The following RNF185 variants were observed in gnomAD, a reference collection of about 807,000 sequenced individuals.
RNF185 encodes E3 ubiquitin-protein ligase RNF185.
Under a neutral mutation model 24.9 loss-of-function variants are expected in RNF185, and 13 were observed. That is an observed-to-expected ratio of 0.52 (90% CI 0.34 to 0.83). The LOEUF (loss-of-function observed/expected upper bound fraction) is 0.83, where lower values mean the gene tolerates loss of function less well. Among genes scored for constraint, RNF185 ranks in the 40% least tolerant of loss-of-function variants. The pLI is 0.01. For missense variants in RNF185, 184 were observed against 244.7 expected (o/e 0.75, Z 1.65); for synonymous variants, 79 against 90.3 (o/e 0.88, Z 0.71).
At chr22:31,162,161 A>G (rs1923618651) in intron 1 of RNF185, among the ~76,000 whole-genome samples, 1 of 152,214 alleles carries the variant, frequency 6.6e-6, no homozygotes, top group South Asian at 2.1e-4. Flanking sequence ...CAGAGGCTCC[A>G]TATTATGACC....
At chr22:31,161,471 T>C (rs577398581) in intron 1 of RNF185, among the ~76,000 whole-genome samples, 19 of 152,390 alleles carry the variant, frequency 1.2e-4, no homozygotes, top group Admixed American at 3.3e-4. Context: ...CTGGTTGTCC[T>C]GTGCACCATC....
Position 31,205,163 on chromosome 22 carries a change from T to C in RNF185, c.*577T>C, listed in dbSNP as rs1438996027. The C allele has an allele frequency of 5.8e-6, 1 of 172,242 alleles. No individual in the cohort carries two copies. The highest frequency in any genetic ancestry group is 2.4e-5 in the African/African-American group (1 of 41,528). The allele number at this position is 172,242 out of a possible 1,614,324, so 10.7% of individuals were successfully genotyped here. On this transcript the variant is annotated 3_prime_UTR_variant, in exon 7 of 7. Transcript: ENST00000326132. ...TGTCCCATAAAAATCATAATTGCAG[T>C]AGCTAAAGCTGGGGTCACTTCGTGA...
chr22:31,195,675 C>G, intron 4 of RNF185, 94 bp downstream of exon 4: 2 of 753,192 alleles, frequency 2.7e-6, no homozygotes, highest in Non-Finnish European at 4.4e-6. Context: ...TTACTTAGTA[C>G]TAGATGATCT....
chr22:31,164,995 C>T (rs898515051), intron 1 of RNF185, among the ~76,000 whole-genome samples: 2 of 152,102 alleles, frequency 1.3e-5, no homozygotes, highest in Non-Finnish European at 2.9e-5. Context: ...ACCGCAACAT[C>T]TGCCTCCCAG....
At chr22:31,188,955 T>TAAAAA (rs34561325) in intron 2 of RNF185, among the ~76,000 whole-genome samples, 2 of 118,086 alleles carry the variant, frequency 1.7e-5, no homozygotes, top group Non-Finnish European at 3.4e-5. Flanking sequence ...CCGTTTCTAC[T>TAAAAA]AAAAAAAAAA....
intron 1 of RNF185, among the ~76,000 whole-genome samples, chr22:31,167,610 C>CTTTTTTTTTTTTT (rs150121453): frequency 2.8e-5 from 3 of 107,364 alleles, no homozygotes; most frequent in African/African-American, 1.2e-4. Flanking sequence ...GGGTTTTTTC[C>CTTTTTTTTTTTTT]TTTTTTTTTT....
At chr22:31,194,487 T>C (rs546945308) in intron 3 of RNF185, among the ~76,000 whole-genome samples, 1 of 152,206 alleles carries the variant, frequency 6.6e-6, no homozygotes, top group East Asian at 1.9e-4. Context: ...CCCAGCACTT[T>C]GGCAGACCAA....
chr22:31,163,730 G>A (rs905754015), intron 1 of RNF185, among the ~76,000 whole-genome samples: 21 of 151,352 alleles, frequency 1.4e-4, no homozygotes, highest in Non-Finnish European at 2.5e-4. Context: ...CTGGAGTGCA[G>A]TGGCGCAATC....
chr22:31,204,365 T>G (rs1011403346), intron 6 of RNF185, 124 bp from the exon 7 acceptor site: 16 of 677,672 alleles, frequency 2.4e-5, no homozygotes, highest in South Asian at 2.0e-4. Context: ...AAGAAATCTT[T>G]TTGTGTGTAG....
intron 1 of RNF185, among the ~76,000 whole-genome samples, chr22:31,165,292 T>C (rs1033896563): frequency 6.6e-6 from 1 of 152,214 alleles, no homozygotes; most frequent in Non-Finnish European, 1.5e-5. Context: ...AAAAAAATTA[T>C]ATCTCTCCTA....
intron 1 of RNF185, among the ~76,000 whole-genome samples, chr22:31,166,702 T>C (rs1347383145): frequency 1.3e-5 from 2 of 151,600 alleles, no homozygotes; most frequent in East Asian, 1.9e-4. Context: ...CAGGCTGGAG[T>C]GCAATGGTGC....
At chr22:31,186,259 G>A (rs1376236777) in intron 1 of RNF185, among the ~76,000 whole-genome samples, 2 of 152,078 alleles carry the variant, frequency 1.3e-5, no homozygotes, top group East Asian at 3.9e-4. Flanking sequence ...TGATCTTTCT[G>A]GTCCTTATTA....
chr22:31,201,773 C>T (rs1015592903), intron 6 of RNF185, among the ~76,000 whole-genome samples, 158 bp downstream of exon 6: 5 of 152,162 alleles, frequency 3.3e-5, no homozygotes, highest in Admixed American at 6.6e-5. Context: ...CACTTACAGA[C>T]ATGGTAACAA....
At chr22:31,194,212 TA>T (rs1454794067) in intron 3 of RNF185, among the ~76,000 whole-genome samples, 1 of 152,100 alleles carries the variant, frequency 6.6e-6, no homozygotes, top group Non-Finnish European at 1.5e-5. Context: ...CAAAAAATTT[TA>T]ATGTAACCAG....
At chr22:31,197,614 G>A (rs1039319396) in intron 5 of RNF185, among the ~76,000 whole-genome samples, 1 of 152,178 alleles carries the variant, frequency 6.6e-6, no homozygotes, top group Non-Finnish European at 1.5e-5. Flanking sequence ...GGAGTGCAGT[G>A]GTGTGATCAC....
intron 5 of RNF185, among the ~76,000 whole-genome samples, chr22:31,198,462 G>C (rs1056028371): frequency 7.1e-6 from 1 of 140,426 alleles, no homozygotes; most frequent in Non-Finnish European, 1.5e-5. Flanking sequence ...GTAGTAGTGC[G>C]ATCTCGGCTC....
At chr22:31,194,753 A>G (rs2048189026) in intron 3 of RNF185, among the ~76,000 whole-genome samples, 1 of 152,010 alleles carries the variant, frequency 6.6e-6, no homozygotes, top group Non-Finnish European at 1.5e-5. Context: ...GAAATCACAG[A>G]AAGAAGAATA....
At chr22:31,190,730 T>TGTA (rs1240147193) in intron 2 of RNF185, among the ~76,000 whole-genome samples, 7 of 151,654 alleles carry the variant, frequency 4.6e-5, no homozygotes, top group African/African-American at 1.7e-4. Flanking sequence ...CAGCCTCCTA[T>TGTA]GTAGCTGGGA....
At chr22:31,186,296 A>C (rs563198877) in intron 1 of RNF185, among the ~76,000 whole-genome samples, 4 of 152,188 alleles carry the variant, frequency 2.6e-5, no homozygotes, top group African/African-American at 9.6e-5. Flanking sequence ...TAGTTACAGG[A>C]ATTTCTTAAT....
Sources: gnomAD v4.1 joint callset for allele counts (sites outside exome capture counted in the v4.1 genomes callset) on GRCh38, gnomAD v4.1.1 for gene constraint, MANE v1.5 for transcripts, NCBI Gene and HGNC (gene_info 2026-07-23, HGNC 2026-07-21) for gene names.